PZP: variants seen among roughly 807,000 people sequenced by gnomAD.
The protein encoded by PZP is pregnancy zone protein.
Under a neutral mutation model 179.8 loss-of-function variants are expected in PZP, and 150 were observed. The ratio of observed to expected loss-of-function variants is 0.83; its 90% CI spans 0.73 to 0.96. The LOEUF is 0.96. Ranked by LOEUF, PZP falls within the 40% of genes least tolerant of loss-of-function variation. The probability of loss-of-function intolerance (pLI) is 0.00; values close to 1 mark genes in which losing one functional copy is unlikely to be tolerated. For synonymous variants in PZP, 624 were observed against 652.3 expected (o/e 0.96, Z 0.66); for missense variants, 1,689 against 1,764.0 (o/e 0.96, Z 0.76).
At position 9,196,157 on chromosome 12, in the gene PZP, G is replaced by A. The variant is rs1002595791; in HGVS notation, c.1092+173C>T. On this transcript the variant is annotated intron_variant, in intron 10 of 35. Coordinates refer to ENST00000261336, the MANE Select transcript of PZP (RefSeq NM_002864.3). ...TGATTCTCATAATAATTTAGTATGT[G>A]TCTGTTTGTTTCATCAGTGATATTT... Among the ~76,000 whole-genome samples, 8 of 152,196 alleles carry A rather than the reference G, an allele frequency of 5.3e-5. No homozygotes were observed. The South Asian group carries it at 1.4e-3, about 28-fold the overall frequency.
At chr12:9,168,267 G>A (rs749735524) in intron 17 of PZP, among the ~76,000 whole-genome samples, 2 of 152,132 alleles carry the variant, frequency 1.3e-5, no homozygotes, top group South Asian at 2.1e-4. Flanking sequence ...TTTCCAATCC[G>A]AGCATATAAA....
intron 34 of PZP, among the ~76,000 whole-genome samples, chr12:9,150,285 G>GT: frequency 6.6e-6 from 1 of 152,124 alleles, no homozygotes; most frequent in South Asian, 2.1e-4. Context: ...GTTTTGTGTT[G>GT]TTTTTTCTTT....
At chr12:9,199,922 T>C (rs1944054267) in intron 7 of PZP, among the ~76,000 whole-genome samples, 1 of 152,178 alleles carries the variant, frequency 6.6e-6, no homozygotes, top group South Asian at 2.1e-4. Flanking sequence ...AAAACCAATG[T>C]GCGAACACCC....
intron 7 of PZP, among the ~76,000 whole-genome samples, chr12:9,198,093 C>G (rs932442958): frequency 1.3e-5 from 2 of 149,876 alleles, no homozygotes; most frequent in Non-Finnish European, 3.0e-5. Flanking sequence ...TGGCTCATGC[C>G]TGCAACCCCA....
At chr12:9,194,545 A>G (rs1461549780) in intron 10 of PZP, among the ~76,000 whole-genome samples, 9 of 148,948 alleles carry the variant, frequency 6.0e-5, no homozygotes, top group African/African-American at 1.5e-4. Flanking sequence ...GCTCACTGCA[A>G]GCTCTGCCTC....
chr12:9,173,343 T>C (rs1048824866), intron 15 of PZP, among the ~76,000 whole-genome samples: 1 of 152,234 alleles, frequency 6.6e-6, no homozygotes, highest in Non-Finnish European at 1.5e-5. Context: ...GGGAAATTTA[T>C]AGCACTAAGT....
At position 9,197,053 on chromosome 12, in the gene PZP, T is replaced by A. The variant is rs749639362; in HGVS notation, c.826A>T (p.Asn276Tyr). ...TCACAGACCTCCTGCTTGTCACAAT[T>A]AAGAACACGAGATAATTTTCTACAC... ...SLCRKLSRVL[N>Y]CDKQEVCEEF... Residue 276 changes from asparagine (N) to tyrosine (Y), a missense_variant, in exon 8 of 36, where the codon AAT (asparagine) becomes TAT (tyrosine). Asn to Tyr is a moderately radical substitution (Grantham distance 143). Around this residue, in one of 3 missense-constraint regions of PZP, gnomAD observed 742 missense variants for 730.5 expected, o/e 1.02. Coordinates refer to ENST00000261336, the MANE Select transcript of PZP (RefSeq NM_002864.3). The A allele has an allele frequency of 6.2e-7, 1 of 1,613,574 alleles. No individual in the cohort carries two copies. The highest frequency in any genetic ancestry group is 1.1e-5 in the South Asian group (1 of 91,054).
the PZP span, among the ~76,000 whole-genome samples, chr12:9,142,891 T>C: frequency 1.3e-5 from 2 of 152,232 alleles, no homozygotes; most frequent in African/African-American, 4.8e-5. Context: ...CTTTTCTGTT[T>C]TCCCAAGGAA....
chr12:9,138,334 C>T, the PZP span, among the ~76,000 whole-genome samples: 53 of 152,070 alleles, frequency 3.5e-4, no homozygotes, highest in African/African-American at 1.3e-3. Flanking sequence ...ACTGAACCAT[C>T]CTTGCATCCT....
At chr12:9,153,367 GC>G in intron 29 of PZP, 24 bp from the exon 30 acceptor site, 1 of 1,579,964 alleles carries the variant, frequency 6.3e-7, no homozygotes, top group Non-Finnish European at 8.7e-7. Context: ...GTGGACAACC[GC>G]CCCAAAGAGT....
At chr12:9,168,663 T>C in intron 17 of PZP, 1 of 468,054 alleles carries the variant, frequency 2.1e-6, no homozygotes, top group Non-Finnish European at 3.8e-6. Context: ...TTTTGTGCCC[T>C]GAAGTATCGG....
chr12:9,202,582 T>C lies in PZP; in HGVS notation c.370A>G (p.Thr124Ala). The C allele has an allele frequency of 6.2e-7, 1 of 1,614,146 alleles. No homozygotes were observed. The highest frequency in any genetic ancestry group is 8.5e-7 in the Non-Finnish European group (1 of 1,180,006). ...RKRNTVLVLN[T>A]QSLVFVQTDK... ...GTCTGGACAAAGACCAGACTTTGGG[T>C]GTTCAGTACCAGAACTGTGTTCCTC... is the stretch of plus-strand genomic sequence containing the variant. The change falls in exon 3 of 36, where the codon ACC becomes GCC. Residue 124 changes from threonine to alanine, a missense_variant. Thr to Ala is a moderately conservative substitution (Grantham distance 58). This residue lies in a region of PZP where 742 missense variants were observed against 730.5 expected (regional missense o/e 1.02). Transcript: ENST00000261336.
the PZP span, among the ~76,000 whole-genome samples, chr12:9,139,840 A>AT: frequency 7.6e-6 from 1 of 131,364 alleles, no homozygotes; most frequent in South Asian, 2.5e-4. Flanking sequence ...CTGAGAGGGG[A>AT]TTCTGACCAA....
chr12:9,190,267 G>A (rs1943383521), intron 13 of PZP, among the ~76,000 whole-genome samples: 1 of 152,114 alleles, frequency 6.6e-6, no homozygotes, highest in Non-Finnish European at 1.5e-5. Flanking sequence ...ATCAGTGGAA[G>A]ACTGAATAAA....
At position 9,196,374 on chromosome 12, in the gene PZP, T is replaced by G; in HGVS notation, c.1048A>C (p.Lys350Gln). The stretch of plus-strand genomic sequence containing the variant: ...CCTTGTCTAAAGTGTGAATCCACTT[T>G]CACGAATTTGAGTTTGGATACAATG... Reference protein sequence around the residue: ...TNIVSKLKFVKVDSHFRQGIP... With the variant: ...TNIVSKLKFVQVDSHFRQGIP... The change falls in exon 10 of 36, where the codon AAA (lysine) becomes CAA (glutamine). Residue 350 changes from lysine to glutamine, a missense_variant. Around this residue, in one of 3 missense-constraint regions of PZP, gnomAD observed 742 missense variants for 730.5 expected, o/e 1.02. Coordinates refer to ENST00000261336, the MANE Select transcript of PZP (RefSeq NM_002864.3). 6.2e-7 allele frequency: 1 copy of G among 1,613,842 alleles called. No homozygotes were observed. Among genetic ancestry groups the G allele is most frequent in the South Asian group, 1.1e-5 (1 of 91,076 alleles).
chr12:9,169,697 G>C (rs185358509), intron 15 of PZP, 106 bp from the exon 16 acceptor site: 1 of 1,051,394 alleles, frequency 9.5e-7, no homozygotes, highest in Non-Finnish European at 1.3e-6. Context: ...TCTTGAGTAC[G>C]TTCATGTAGT....
At chr12:9,156,062 A>G (rs902587238) in intron 28 of PZP, 3 of 215,944 alleles carry the variant, frequency 1.4e-5, no homozygotes, top group African/African-American at 7.0e-5. Flanking sequence ...CTGAGATTAG[A>G]AAGAGTGTGC....
At chr12:9,202,863 G>C (rs999801296) in intron 2 of PZP, among the ~76,000 whole-genome samples, 179 bp from the exon 3 acceptor site, 14 of 152,164 alleles carry the variant, frequency 9.2e-5, no homozygotes, top group African/African-American at 3.4e-4. Flanking sequence ...GTATCAGTAA[G>C]AGTGGCCATC....
intron 1 of PZP, among the ~76,000 whole-genome samples, chr12:9,205,663 T>A (rs1274075965): frequency 6.6e-6 from 1 of 152,214 alleles, no homozygotes; most frequent in Non-Finnish European, 1.5e-5. Flanking sequence ...GTTAGGCCAT[T>A]TATAGAGTAA....
Sources: allele counts gnomAD v4.1 joint callset (sites outside exome capture counted in the v4.1 genomes callset), GRCh38; gene constraint gnomAD v4.1.1; regional missense constraint gnomAD v4.1.1; transcripts MANE v1.5; gene names NCBI Gene and HGNC (gene_info 2026-07-23, HGNC 2026-07-21).